The following PRR5L variants were observed in gnomAD, a reference collection of about 807,000 sequenced individuals.
PRR5L encodes proline rich 5 like.
In PRR5L, 21 loss-of-function variants were observed where a neutral mutation model predicts 36.4. The observed-to-expected ratio is 0.58, with a 90% confidence interval of 0.41 to 0.83. The LOEUF (loss-of-function observed/expected upper bound fraction) is 0.83, where lower values mean the gene tolerates loss of function less well. Among genes scored for constraint, PRR5L ranks in the 40% least tolerant of loss-of-function variants. The pLI is 0.00. For missense variants in PRR5L, 381 were observed against 473.3 expected, an observed-to-expected ratio of 0.80 and a Z score of 1.81; for synonymous variants, 188 against 197.0, an observed-to-expected ratio of 0.95 and a Z score of 0.38.
At chr11:36,417,092 G>C (rs1178451051) in intron 3 of PRR5L, among the ~76,000 whole-genome samples, 1 of 152,076 alleles carries the variant, frequency 6.6e-6, no homozygotes. Context: ...TCCCACTGTG[G>C]GTTCCTTGGG....
chr11:36,416,438 C>A (rs1007464441), intron 3 of PRR5L, among the ~76,000 whole-genome samples: 2 of 152,144 alleles, frequency 1.3e-5, no homozygotes, highest in Non-Finnish European at 2.9e-5. Context: ...CTGGCTATGG[C>A]CCATTACATT....
At chr11:36,388,701 T>C (rs974690320) in intron 1 of PRR5L, among the ~76,000 whole-genome samples, 2 of 139,160 alleles carry the variant, frequency 1.4e-5, no homozygotes, top group Non-Finnish European at 1.6e-5. Context: ...TTTCTTTCTT[T>C]TTTTTTTTTT....
chr11:36,449,916 G>A (rs1268304833), intron 7 of PRR5L, among the ~76,000 whole-genome samples: 3 of 152,040 alleles, frequency 2.0e-5, no homozygotes, highest in African/African-American at 7.3e-5. Flanking sequence ...TTTTTCTGTG[G>A]TCCCTCCCTG....
intron 1 of PRR5L, among the ~76,000 whole-genome samples, chr11:36,374,047 CTCCTTCCTTCCTTCCTTCCTTCCTTCCT>C (rs59668248): frequency 1.6e-4 from 19 of 117,724 alleles, no homozygotes; most frequent in African/African-American, 4.5e-4. Context: ...TAATTTTTTC[CTCCTTCCTTCCTTCCTTCCTTCCTTCCT>C]TCCTTCCTTC....
rs1857263486 is a variant in PRR5L at position 36,376,460 on chromosome 11, T to C, written c.-125-24537T>C. On this transcript the variant is annotated intron_variant, in intron 1 of 8. Transcript: ENST00000530639. The stretch of plus-strand genomic sequence containing the variant: ...GGCCGAAGCGTTTGTTGACTCGCGC[T>C]GGAGAGGAACCGAGGCTGGACGGGA... 4 of 1,109,310 alleles carry C rather than the reference T, an allele frequency of 3.6e-6. No homozygotes were observed. The South Asian group carries it at 8.0e-5, about 22-fold the overall frequency. 68.7% of individuals were successfully genotyped at this position (1,109,310 alleles called of 1,614,324 possible).
intron 1 of PRR5L, among the ~76,000 whole-genome samples, chr11:36,336,237 G>GT (rs952112405): frequency 5.9e-5 from 9 of 152,042 alleles, no homozygotes; most frequent in Non-Finnish European, 8.8e-5. Context: ...AAAACTAATT[G>GT]TTTTTTTTAA....
chr11:36,376,828 T>G (rs1857271889), intron 1 of PRR5L: 3 of 689,606 alleles, frequency 4.4e-6, no homozygotes, highest in African/African-American at 3.9e-5. Context: ...GGGTAGGAGC[T>G]AGGGAAAAGT....
chr11:36,440,542 G>T (rs1232352784), intron 6 of PRR5L, among the ~76,000 whole-genome samples: 2 of 152,190 alleles, frequency 1.3e-5, no homozygotes, highest in African/African-American at 4.8e-5. Context: ...TTCATATGAA[G>T]AAATGATGGC....
intron 1 of PRR5L, among the ~76,000 whole-genome samples, chr11:36,390,637 G>A (rs1392973579): frequency 6.6e-6 from 1 of 152,176 alleles, no homozygotes; most frequent in Non-Finnish European, 1.5e-5. Context: ...TTCCAAACAG[G>A]TGCTTTCATG....
chr11:36,435,078 C>T (rs1032124349), intron 5 of PRR5L, among the ~76,000 whole-genome samples: 1 of 152,010 alleles, frequency 6.6e-6, no homozygotes, highest in African/African-American at 2.4e-5. Context: ...TAAGGGACAT[C>T]AACAAAGAAG....
At chr11:36,382,588 C>A (rs556180945) in intron 1 of PRR5L, among the ~76,000 whole-genome samples, 6 of 152,282 alleles carry the variant, frequency 3.9e-5, no homozygotes, top group South Asian at 2.1e-4. Context: ...GACTACAATG[C>A]GGGTAGCAGG....
At chr11:36,365,338 A>C (rs1857133442) in intron 1 of PRR5L, among the ~76,000 whole-genome samples, 1 of 152,162 alleles carries the variant, frequency 6.6e-6, no homozygotes. Flanking sequence ...TCTACTGAGT[A>C]GACTCAATTA....
chr11:36,308,812 C>T (rs557252568), intron 1 of PRR5L, among the ~76,000 whole-genome samples: 4 of 152,300 alleles, frequency 2.6e-5, no homozygotes, highest in African/African-American at 9.6e-5. Context: ...CACTGTTTGG[C>T]TTGGCCTTCT....
At chr11:36,434,536 A>G (rs1338944048) in intron 5 of PRR5L, among the ~76,000 whole-genome samples, 1 of 152,216 alleles carries the variant, frequency 6.6e-6, no homozygotes. Context: ...TTTTGTGGGC[A>G]GAAGATGCCA....
At chr11:36,400,476 T>G (rs576049133) in intron 1 of PRR5L, among the ~76,000 whole-genome samples, 56 of 152,074 alleles carry the variant, frequency 3.7e-4, no homozygotes, top group Non-Finnish European at 7.2e-4. Flanking sequence ...CCTGATGAAA[T>G]GAGTGAAGGA....
chr11:36,333,702 C>A (rs12419869), intron 1 of PRR5L, among the ~76,000 whole-genome samples: 1 of 151,982 alleles, frequency 6.6e-6, no homozygotes, highest in Non-Finnish European at 1.5e-5. Flanking sequence ...AGTGGATCAG[C>A]GATTGCCTCA....
At chr11:36,385,151 G>A (rs1037508568) in intron 1 of PRR5L, among the ~76,000 whole-genome samples, 3 of 152,084 alleles carry the variant, frequency 2.0e-5, no homozygotes, top group Admixed American at 6.5e-5. Flanking sequence ...TTTTGTATAC[G>A]TTACATGTCA....
At chr11:36,337,351 G>A (rs949902936) in intron 1 of PRR5L, among the ~76,000 whole-genome samples, 8 of 152,180 alleles carry the variant, frequency 5.3e-5, no homozygotes, top group African/African-American at 1.9e-4. Flanking sequence ...TGAGGACTCA[G>A]CAAAAGGTGC....
In PRR5L at chr11:36,384,761, C is replaced by T. The variant is rs551612608; in HGVS notation, c.-125-16236C>T. Among the ~76,000 whole-genome samples the T allele has an allele frequency of 4.0e-4, 61 of 151,998 alleles. 1 individual carries two copies. Among genetic ancestry groups the T allele is most frequent in the African/African-American group, 1.4e-3 (56 of 41,436 alleles). On this transcript the variant is annotated intron_variant, in intron 1 of 8. Coordinates refer to ENST00000530639, the MANE Select transcript of PRR5L (RefSeq NM_001160167.2). ...GATTGTAGCTCACTGCAGCCTTGAACTCCTGGGCTCAAGGGATCCTCCTGC... is the reference window on the plus strand; with the variant it reads ...GATTGTAGCTCACTGCAGCCTTGAATTCCTGGGCTCAAGGGATCCTCCTGC...
Sources: gnomAD v4.1 joint callset for allele counts (sites outside exome capture counted in the v4.1 genomes callset) on GRCh38, gnomAD v4.1.1 for gene constraint, MANE v1.5 for transcripts, NCBI Gene and HGNC (gene_info 2026-07-23, HGNC 2026-07-21) for gene names.